Variants in OPCML observed in about 807,000 individuals in gnomAD.
OPCML encodes the protein opioid binding protein/cell adhesion molecule like.
A neutral mutation model predicts 37.8 loss-of-function variants in OPCML; 13 were observed. The observed-to-expected ratio is 0.34, with a 90% confidence interval of 0.22 to 0.55. OPCML has a LOEUF of 0.55. Among genes scored for constraint, OPCML ranks in the 20% least tolerant of loss-of-function variants. OPCML has a pLI of 0.91. For synonymous variants in OPCML, 176 were observed against 168.8 expected (o/e 1.04, Z -0.33); for missense variants, 341 against 435.6 (o/e 0.78, Z 1.93).
chr11:133,400,717 G>C (rs1047484644), intron 1 of OPCML, among the ~76,000 whole-genome samples: 7 of 152,234 alleles, frequency 4.6e-5, no homozygotes, highest in Admixed American at 2.6e-4. Flanking sequence ...GCTAGGAGCA[G>C]TCTCCAATTC....
At chr11:132,535,463 G>A (rs2096338116) in intron 3 of OPCML, among the ~76,000 whole-genome samples, 1 of 152,166 alleles carries the variant, frequency 6.6e-6, no homozygotes. Context: ...AGATGCAGAG[G>A]TGGCTGCTGC....
At chr11:133,473,172 T>TC (rs150645973) in intron 1 of OPCML, among the ~76,000 whole-genome samples, 1,709 of 151,958 alleles carry the variant, frequency 0.011, 32 homozygotes, top group African/African-American at 0.039. Context: ...GACTTTGACC[T>TC]CCCCCTAAGG....
chr11:132,690,595 C>T (rs1943360232), intron 2 of OPCML, among the ~76,000 whole-genome samples: 1 of 152,144 alleles, frequency 6.6e-6, no homozygotes, highest in African/African-American at 2.4e-5. Context: ...CGTACCAAAC[C>T]ATTCTTTTTT....
At chr11:132,978,771 G>T (rs1414295870) in intron 1 of OPCML, among the ~76,000 whole-genome samples, 1 of 152,044 alleles carries the variant, frequency 6.6e-6, no homozygotes, top group Non-Finnish European at 1.5e-5. Flanking sequence ...AAATACATTT[G>T]CATATGTATA....
chr11:132,673,716 T>C (rs947899365), intron 2 of OPCML, among the ~76,000 whole-genome samples: 2 of 152,092 alleles, frequency 1.3e-5, no homozygotes, highest in Non-Finnish European at 2.9e-5. Context: ...TCTGTAACCA[T>C]TTAGAACTCC....
intron 2 of OPCML, among the ~76,000 whole-genome samples, chr11:132,756,412 G>A (rs937353811): frequency 6.6e-6 from 1 of 152,150 alleles, no homozygotes; most frequent in Admixed American, 6.5e-5. Context: ...CATATGATGA[G>A]CATGTAAATT....
intron 2 of OPCML, among the ~76,000 whole-genome samples, chr11:132,796,677 C>T (rs941254923): frequency 6.7e-6 from 1 of 148,890 alleles, no homozygotes; most frequent in Non-Finnish European, 1.5e-5. Flanking sequence ...GGGTTCATGC[C>T]GTTCTCCTGC....
chr11:132,967,610 A>G (rs1181869994), intron 1 of OPCML, among the ~76,000 whole-genome samples: 1 of 152,184 alleles, frequency 6.6e-6, no homozygotes, highest in Non-Finnish European at 1.5e-5. Context: ...ATATATTATA[A>G]GCACAACAAT....
chr11:133,525,338 G>A (rs1351053535), intron 1 of OPCML, among the ~76,000 whole-genome samples: 1 of 152,200 alleles, frequency 6.6e-6, no homozygotes, highest in African/African-American at 2.4e-5. Context: ...AGCCCTTGAG[G>A]AAGGAGGGAA....
At chr11:132,484,156 G>T (rs1444541015) in intron 4 of OPCML, among the ~76,000 whole-genome samples, 1 of 152,028 alleles carries the variant, frequency 6.6e-6, no homozygotes, top group African/African-American at 2.4e-5. Context: ...GGAAATTTTT[G>T]CAACCTACTC....
At chr11:132,787,975 G>A (rs988103529) in intron 2 of OPCML, among the ~76,000 whole-genome samples, 3 of 152,136 alleles carry the variant, frequency 2.0e-5, no homozygotes, top group African/African-American at 7.2e-5. Flanking sequence ...CCGCCTCCTG[G>A]GTTCAAGCGC....
intron 2 of OPCML, among the ~76,000 whole-genome samples, chr11:132,774,575 C>A (rs1191587776): frequency 6.6e-6 from 1 of 152,112 alleles, no homozygotes; most frequent in Non-Finnish European, 1.5e-5. Context: ...TAAGATTCAC[C>A]ATCTCAATCT....
chr11:132,761,320 T>C (rs1225808510), intron 2 of OPCML, among the ~76,000 whole-genome samples: 2 of 151,690 alleles, frequency 1.3e-5, no homozygotes, highest in Non-Finnish European at 2.9e-5. Context: ...CTTTGTGGTG[T>C]TCTCTGTATT....
intron 1 of OPCML, among the ~76,000 whole-genome samples, chr11:133,432,373 AC>A (rs1555157739): frequency 6.6e-6 from 1 of 151,926 alleles, no homozygotes; most frequent in Non-Finnish European, 1.5e-5. Context: ...AAAAAAACAC[AC>A]TTTTTTAGAA....
chr11:132,437,487 CAA>C, intron 4 of OPCML, 128 bp from the exon 5 acceptor site: 1 of 1,490,130 alleles, frequency 6.7e-7, no homozygotes, highest in Non-Finnish European at 8.9e-7. Context: ...GACATCAAGT[CAA>C]AGACATAGGG....
At chr11:133,182,734 T>C (rs765318325) in intron 1 of OPCML, among the ~76,000 whole-genome samples, 20 of 152,190 alleles carry the variant, frequency 1.3e-4, no homozygotes, top group Non-Finnish European at 2.2e-4. Context: ...GAAAGCATGT[T>C]CCTGGTTAGG....
At chr11:132,950,752 G>A (rs1945840083) in intron 1 of OPCML, among the ~76,000 whole-genome samples, 1 of 152,118 alleles carries the variant, frequency 6.6e-6, no homozygotes, top group Non-Finnish European at 1.5e-5. Flanking sequence ...TTGGAAATAG[G>A]TGCCTTCAGC....
In OPCML at chr11:132,901,602, G is replaced by C. The variant is rs2136501851; in HGVS notation, c.146+41324C>G. 1.3e-5 allele frequency among the ~76,000 whole-genome samples: 2 copies of C among 152,216 alleles called. 1 individual carries two copies. Among genetic ancestry groups the C allele is most frequent in the East Asian group, 3.9e-4 (2 of 5,160 alleles). On this transcript the variant is annotated intron_variant, in intron 2 of 7. Transcript: ENST00000524381. ...CTCAAAATAAGGGCAACAAATTTGG[G>C]GTGCAGGTTCCCCACTAACATGTCA...
intron 2 of OPCML, among the ~76,000 whole-genome samples, chr11:132,707,957 A>G (rs1350708385): frequency 6.6e-6 from 1 of 152,172 alleles, no homozygotes; most frequent in East Asian, 1.9e-4. Context: ...TGTCACATAA[A>G]AGCAAAAGAA....
Sources: gnomAD v4.1 joint callset for allele counts (sites outside exome capture counted in the v4.1 genomes callset) on GRCh38, gnomAD v4.1.1 for gene constraint, MANE v1.5 for transcripts, NCBI Gene and HGNC (gene_info 2026-07-23, HGNC 2026-07-21) for gene names.